The following PIK3IP1 variants were observed in gnomAD, a reference collection of about 807,000 sequenced individuals.
The protein encoded by PIK3IP1 is phosphoinositide-3-kinase interacting protein 1.
A neutral mutation model predicts 30.7 loss-of-function variants in PIK3IP1; 28 were observed. That is an observed-to-expected ratio of 0.91 (90% CI 0.68 to 1.25). PIK3IP1 has a LOEUF of 1.25. PIK3IP1 is among the 50% of genes most tolerant of loss of function. The probability of loss-of-function intolerance (pLI) is 0.00; values close to 1 mark genes in which losing one functional copy is unlikely to be tolerated. For synonymous variants in PIK3IP1, 159 were observed against 140.8 expected (o/e 1.13, Z -0.91); for missense variants, 333 against 346.2 (o/e 0.96, Z 0.30).
At position 31,282,115 on chromosome 22, in the gene PIK3IP1, C is replaced by T. The variant is rs1257485171; in HGVS notation, c.*969G>A. 1 of 152,294 alleles carries T rather than the reference C, an allele frequency of 6.6e-6. No individual in the cohort carries two copies. Among genetic ancestry groups the T allele is most frequent in the African/African-American group, 2.4e-5 (1 of 41,470 alleles). The allele number at this position is 152,294 out of a possible 1,614,324, so 9.4% of individuals were successfully genotyped here. ...CTGTGACCCTAGCCCCAGTGCCCTA[C>T]AGGAAGGTGCTGACCTGGACGCCCG... On this transcript the variant is annotated 3_prime_UTR_variant, in exon 6 of 6. Transcript: ENST00000215912.
At chr22:31,283,346 T>C in intron 5 of PIK3IP1, 58 bp from the exon 6 acceptor site, 1 of 1,566,764 alleles carries the variant, frequency 6.4e-7, no homozygotes, top group African/African-American at 1.3e-5. Context: ...GCTTTGCTCA[T>C]TAGATAGCAT....
chr22:31,291,953 G>A (rs963812863), intron 1 of PIK3IP1, among the ~76,000 whole-genome samples: 6 of 152,220 alleles, frequency 3.9e-5, no homozygotes, highest in African/African-American at 7.2e-5. Context: ...AACCACAGAA[G>A]GAGGCTGGGG....
chr22:31,291,516 G>A (rs2123893886), intron 1 of PIK3IP1, among the ~76,000 whole-genome samples: 1 of 113,718 alleles, frequency 8.8e-6, no homozygotes, highest in Admixed American at 9.8e-5. Context: ...GAAGCCCCCA[G>A]CCTGTGCCTG....
Position 31,291,230 on chromosome 22 carries a change from C to T in PIK3IP1, c.137G>A (p.Cys46Tyr). 6.4e-7 allele frequency: 1 copy of T among 1,550,692 alleles called. No individual in the cohort carries two copies. The highest frequency in any genetic ancestry group is 8.7e-7 in the Non-Finnish European group (1 of 1,147,176). The change falls in exon 2 of 6, where the codon TGC becomes TAC. Residue 46 changes from cysteine to tyrosine, a missense_variant. By Grantham distance (194) the Cys-to-Tyr change is radical. This residue lies in a region of PIK3IP1 where 111 missense variants were observed against 100.1 expected (regional missense o/e 1.11). Coordinates refer to ENST00000215912, the MANE Select transcript of PIK3IP1 (RefSeq NM_052880.5). The stretch of plus-strand genomic sequence containing the variant: ...GCTCTGCGCGTCCAGCCAGTTGAGG[C>T]AGCGGAGGCCCGGCGCGGGGGAGGT... ...DQTSPAPGLR[C>Y]LNWLDAQSGL...
chr22:31,291,983 A>G (rs2049184193), intron 1 of PIK3IP1, among the ~76,000 whole-genome samples: 1 of 152,214 alleles, frequency 6.6e-6, no homozygotes, highest in Non-Finnish European at 1.5e-5. Context: ...CACACCATGC[A>G]AAGGGCTTAG....
chr22:31,288,650 G>GT (rs1437615036), intron 5 of PIK3IP1, among the ~76,000 whole-genome samples: 2 of 152,226 alleles, frequency 1.3e-5, no homozygotes, highest in Non-Finnish European at 2.9e-5. Context: ...CGGACATCTC[G>GT]TGGGACCTTT....
Position 31,289,342 on chromosome 22 carries a change from C to G in PIK3IP1, c.560G>C (p.Gly187Ala), listed in dbSNP as rs1569011856. 1 of 1,613,892 alleles carries G rather than the reference C, an allele frequency of 6.2e-7. No individual in the cohort carries two copies. The highest frequency in any genetic ancestry group is 1.3e-5 in the African/African-American group (1 of 75,014). ...CTTGTAGGAGTAGCCCAAGATGATG[C>G]CAGCTCCGATGGCAATGATGATCAC... ...MMVIIIAIGA[G>A]IILGYSYKRG... is the part of the protein sequence containing the mutation. Residue 187 changes from glycine to alanine, a missense_variant, in exon 5 of 6, where the codon GGC becomes GCC. By Grantham distance (60) the Gly-to-Ala change is moderately conservative. Around this residue, in one of 3 missense-constraint regions of PIK3IP1, gnomAD observed 217 missense variants for 227.7 expected, o/e 0.95. Transcript: ENST00000215912.
At position 31,291,840 on chromosome 22, in the gene PIK3IP1, C is replaced by G. The variant is rs193062470; in HGVS notation, c.70+435G>C. Among the ~76,000 whole-genome samples the G allele has an allele frequency of 2.5e-4, 38 of 152,302 alleles. 1 individual carries two copies. Among genetic ancestry groups the G allele is most frequent in the Admixed American group, 2.3e-3 (35 of 15,302 alleles). ...CCTCCCAGGAGAATTCTCCAGGAGC[C>G]TTGACTCCGTCAGGCAAAAGATTCA... On this transcript the variant is annotated intron_variant, in intron 1 of 5. Coordinates refer to ENST00000215912, the MANE Select transcript of PIK3IP1 (RefSeq NM_052880.5).
In PIK3IP1 at chr22:31,282,647, A is replaced by G. The variant is rs1569009536; in HGVS notation, c.*437T>C. 1 of 159,350 alleles carries G rather than the reference A, an allele frequency of 6.3e-6. No homozygotes were observed. The highest frequency in any genetic ancestry group is 1.4e-5 in the Non-Finnish European group (1 of 72,282). 9.9% of individuals were successfully genotyped at this position (159,350 alleles called of 1,614,324 possible). A position where few individuals can be genotyped will look rare whatever the true frequency, so the allele number is the denominator to read the frequency against. Reference sequence around the variant, plus strand: ...TTTTAAAAACTAAATATATTTTTTCAATGCCATCCCTTGACCTGCTTTACC... The same window carrying G: ...TTTTAAAAACTAAATATATTTTTTCGATGCCATCCCTTGACCTGCTTTACC... On this transcript the variant is annotated 3_prime_UTR_variant, in exon 6 of 6. Coordinates refer to ENST00000215912, the MANE Select transcript of PIK3IP1 (RefSeq NM_052880.5).
chr22:31,282,690 T>C lies in PIK3IP1; in HGVS notation c.*394A>G, dbSNP rs2049098736. ...GCTTTACCTTAACCATGAATAACAG[T>C]GTATGCCACTCAAGCCCACAGTGGA... On this transcript the variant is annotated 3_prime_UTR_variant, in exon 6 of 6. Coordinates refer to ENST00000215912, the MANE Select transcript of PIK3IP1 (RefSeq NM_052880.5). 1 of 201,490 alleles carries C rather than the reference T, an allele frequency of 5.0e-6. No individual in the cohort carries two copies. The allele number at this position is 201,490 out of a possible 1,614,324, so 12.5% of individuals were successfully genotyped here.
intron 3 of PIK3IP1, 104 bp downstream of exon 3, chr22:31,290,861 G>T: frequency 7.1e-7 from 1 of 1,412,950 alleles, no homozygotes; most frequent in African/African-American, 1.5e-5. Context: ...CGCGGAGGCG[G>T]AGCGGGGCCG....
intron 2 of PIK3IP1, 43 bp from the exon 3 acceptor site, chr22:31,291,127 G>T (rs1325066699): frequency 6.5e-7 from 1 of 1,537,926 alleles, no homozygotes; most frequent in Non-Finnish European, 8.7e-7. Context: ...GCTGGCACCG[G>T]GAACGCGGCC....
At position 31,291,089 on chromosome 22, in the gene PIK3IP1, G is replaced by A. The variant is rs900964841; in HGVS notation, c.188-5C>T. On this transcript the variant is annotated splice_polypyrimidine_tract_variant and splice_region_variant and intron_variant, in intron 2 of 5. Transcript: ENST00000215912. ...AGTAACTGTGATTGCCGGCCCCTAA[G>A]AGAGGAGAGAAGGAAATGTGTGCCG... The A allele has an allele frequency of 1.3e-6, 2 of 1,549,888 alleles. No homozygotes were observed. The highest frequency in any genetic ancestry group is 2.0e-5 in the Admixed American group (1 of 51,046).
chr22:31,287,676 A>T (rs2049142495), intron 5 of PIK3IP1, among the ~76,000 whole-genome samples: 1 of 152,066 alleles, frequency 6.6e-6, no homozygotes, highest in Non-Finnish European at 1.5e-5. Context: ...CTGACCACCT[A>T]CTATGTGCCA....
At chr22:31,290,832 GC>G in intron 3 of PIK3IP1, 132 bp downstream of exon 3, 2 of 1,313,204 alleles carry the variant, frequency 1.5e-6, no homozygotes, top group South Asian at 1.6e-5. Flanking sequence ...CCTGGAGACA[GC>G]CCTGGCCAAT....
chr22:31,284,339 A>G (rs773737349), intron 5 of PIK3IP1, among the ~76,000 whole-genome samples: 20 of 152,220 alleles, frequency 1.3e-4, no homozygotes, highest in Non-Finnish European at 1.3e-4. Context: ...ACAAGTCTTT[A>G]GGGGAAAAAA....
intron 3 of PIK3IP1, 146 bp from the exon 4 acceptor site, chr22:31,289,845 G>C (rs956318404): frequency 4.4e-5 from 37 of 836,204 alleles, no homozygotes; most frequent in Middle Eastern, 5.1e-4. Context: ...TTCTGCCCCA[G>C]AGGTAAGATC....
At chr22:31,286,957 C>T (rs2049135565) in intron 5 of PIK3IP1, among the ~76,000 whole-genome samples, 1 of 151,774 alleles carries the variant, frequency 6.6e-6, no homozygotes, top group African/African-American at 2.4e-5. Context: ...TACTTTCCCT[C>T]TCTGGACCTC....
At chr22:31,285,463 G>T (rs9621226) in intron 5 of PIK3IP1, among the ~76,000 whole-genome samples, 6,797 of 152,228 alleles carry the variant, frequency 0.045, 566 homozygotes, top group East Asian at 0.37. Flanking sequence ...AAATGGCAGA[G>T]CTGGGATTTG....
Sources: gnomAD v4.1 joint callset for allele counts (sites outside exome capture counted in the v4.1 genomes callset) on GRCh38, gnomAD v4.1.1 for gene constraint, gnomAD v4.1.1 regional missense constraint, MANE v1.5 for transcripts, NCBI Gene and HGNC (gene_info 2026-07-23, HGNC 2026-07-21) for gene names.